The following ADAMTS12 variants were observed in gnomAD, a reference collection of about 807,000 sequenced individuals.
The protein encoded by ADAMTS12 is A disintegrin and metalloproteinase with thrombospondin motifs 12.
ADAMTS12 carries 118 observed loss-of-function variants against 167.8 expected under a neutral mutation model. The ratio of observed to expected loss-of-function variants is 0.70; its 90% CI spans 0.61 to 0.82. The LOEUF (loss-of-function observed/expected upper bound fraction) is 0.82, where lower values mean the gene tolerates loss of function less well. Ranked by LOEUF, ADAMTS12 falls within the 40% of genes least tolerant of loss-of-function variation. The pLI is 0.00. For missense variants in ADAMTS12, 1,916 were observed against 1,998.8 expected (o/e 0.96, Z 0.79); for synonymous variants, 704 against 716.9 (o/e 0.98, Z 0.29).
intron 2 of ADAMTS12, among the ~76,000 whole-genome samples, chr5:33,856,610 C>CA (rs113323469): frequency 0.05 from 6,631 of 133,462 alleles, 370 homozygotes; most frequent in African/African-American, 0.15. Context: ...AAGGATTTCT[C>CA]AAAAAAAAAA....
chr5:33,662,475 T>G (rs1741292376), intron 5 of ADAMTS12, among the ~76,000 whole-genome samples: 3 of 152,246 alleles, frequency 2.0e-5, no homozygotes, highest in Non-Finnish European at 4.4e-5. Flanking sequence ...CCTGCAAGGC[T>G]AGAGTTGCAC....
intron 2 of ADAMTS12, among the ~76,000 whole-genome samples, chr5:33,838,795 GAAGT>G (rs1236851371): frequency 5.9e-5 from 9 of 152,138 alleles, no homozygotes. Context: ...TGAAGGGACT[GAAGT>G]GAGTAGGAAG....
chr5:33,634,035 G>A (rs919695086), intron 12 of ADAMTS12, among the ~76,000 whole-genome samples: 1 of 152,064 alleles, frequency 6.6e-6, no homozygotes, highest in Admixed American at 6.6e-5. Flanking sequence ...TGAACTTACC[G>A]AATCAAAGTT....
In ADAMTS12 at chr5:33,642,041, T is replaced by C. The variant is rs184399976; in HGVS notation, c.1573-86A>G. 1.6e-3 allele frequency: 2,219 copies of C among 1,348,184 alleles called. 21 individuals are homozygous for C. The Admixed American group carries it at 0.027, about 16-fold the overall frequency. 83.5% of individuals were successfully genotyped at this position (1,348,184 alleles called of 1,614,324 possible). ...AAGAGCCCTAAAAGTCTAAACCCAA[T>C]TCTCTGCAAGCAAGCCGGCTTTCTA... On this transcript the variant is annotated intron_variant, in intron 10 of 23. Transcript: ENST00000504830.
At chr5:33,762,190 C>T (rs1264002032) in intron 2 of ADAMTS12, among the ~76,000 whole-genome samples, 1 of 140,360 alleles carries the variant, frequency 7.1e-6, no homozygotes, top group Non-Finnish European at 1.5e-5. Flanking sequence ...ATAAAGATGC[C>T]GTCTCAAAAA....
chr5:33,649,682 A>T lies in ADAMTS12; in HGVS notation c.1206T>A (p.His402Gln). Reference protein sequence around the residue: ...HELGHSFGIQHDGKENDCEPV... With the variant: ...HELGHSFGIQQDGKENDCEPV... ...GCTCACAGTCATTTTCTTTCCCATC[A>T]TGCTGGATGCCGAAGCTGGCAGGGA... The change falls in exon 8 of 24, where the codon CAT (histidine) becomes CAA (glutamine). Residue 402 changes from histidine (H) to glutamine (Q), a missense_variant. Transcript: ENST00000504830. The T allele has an allele frequency of 1.2e-6, 2 of 1,613,866 alleles. No individual in the cohort carries two copies. Among genetic ancestry groups the T allele is most frequent in the Non-Finnish European group, 1.7e-6 (2 of 1,179,836 alleles).
intron 3 of ADAMTS12, among the ~76,000 whole-genome samples, chr5:33,686,556 C>T (rs1032548491): frequency 3.3e-5 from 5 of 152,088 alleles, no homozygotes; most frequent in East Asian, 2.0e-4. Flanking sequence ...CCTGCCCAGA[C>T]GCAGATGATG....
chr5:33,874,666 C>G (rs1750159565), intron 2 of ADAMTS12, among the ~76,000 whole-genome samples: 1 of 152,170 alleles, frequency 6.6e-6, no homozygotes, highest in Non-Finnish European at 1.5e-5. Flanking sequence ...ACTGCCAAAA[C>G]TTAAAAGCAA....
intron 3 of ADAMTS12, among the ~76,000 whole-genome samples, chr5:33,723,099 T>C (rs1743861343): frequency 6.6e-6 from 1 of 152,192 alleles, no homozygotes; most frequent in South Asian, 2.1e-4. Context: ...CTGTCATTCA[T>C]ACCTGGATGA....
intron 16 of ADAMTS12, among the ~76,000 whole-genome samples, chr5:33,605,491 A>G (rs9716334): frequency 0.58 from 87,698 of 151,570 alleles, 25,605 homozygotes; most frequent in East Asian, 0.82. Flanking sequence ...TGGAAAACTT[A>G]GGAAAATATA....
Position 33,829,073 on chromosome 5 carries a change from T to C in ADAMTS12, c.489+52046A>G, listed in dbSNP as rs150731106. Among the ~76,000 whole-genome samples the C allele has an allele frequency of 2.5e-4, 38 of 152,268 alleles. 1 individual carries two copies. Among genetic ancestry groups the C allele is most frequent in the Admixed American group, 2.5e-3 (38 of 15,280 alleles). ...TCTGAATGAGATCCACTCCAGCACA[T>C]GGCCATCTTAAAACCTCTTTCATCA... On this transcript the variant is annotated intron_variant, in intron 2 of 23. Coordinates refer to ENST00000504830, the MANE Select transcript of ADAMTS12 (RefSeq NM_030955.4).
At chr5:33,608,047 T>C (rs1738532955) in intron 16 of ADAMTS12, among the ~76,000 whole-genome samples, 2 of 152,246 alleles carry the variant, frequency 1.3e-5, no homozygotes, top group Non-Finnish European at 2.9e-5. Context: ...TCCAGATGGC[T>C]GAACACATGG....
Position 33,647,369 on chromosome 5 carries a change from G to A in ADAMTS12, c.1479+1453C>T, listed in dbSNP as rs139808129. On this transcript the variant is annotated intron_variant, in intron 9 of 23. Transcript: ENST00000504830. ...GCTGCATTTTAGAAAATGAATCAGA[G>A]TTGAGGGGAAGCGTTCAGATTCTAC... Among the ~76,000 whole-genome samples the A allele has an allele frequency of 6.0e-3, 913 of 152,234 alleles. 7 individuals carry two copies. Among genetic ancestry groups the A allele is most frequent in the African/African-American group, 0.021 (876 of 41,520 alleles).
chr5:33,696,370 G>A (rs1391179527), intron 3 of ADAMTS12, among the ~76,000 whole-genome samples: 2 of 147,540 alleles, frequency 1.4e-5, no homozygotes, highest in Non-Finnish European at 3.0e-5. Flanking sequence ...GCAGTGAGCC[G>A]AGATCGCGCC....
intron 2 of ADAMTS12, among the ~76,000 whole-genome samples, chr5:33,790,454 G>A (rs1746486652): frequency 6.6e-6 from 1 of 151,600 alleles, no homozygotes; most frequent in South Asian, 2.1e-4. Context: ...TCGGAAGGCT[G>A]AGGCAGAAGA....
At chr5:33,824,624 G>A (rs1221849546) in intron 2 of ADAMTS12, among the ~76,000 whole-genome samples, 1 of 152,188 alleles carries the variant, frequency 6.6e-6, no homozygotes, top group Non-Finnish European at 1.5e-5. Context: ...GAGAAGAGGA[G>A]CCTGTCAGCT....
In ADAMTS12 at chr5:33,756,806, G is replaced by C. The variant is rs552105072; in HGVS notation, c.490-5258C>G. Among the ~76,000 whole-genome samples the C allele has an allele frequency of 5.1e-4, 77 of 152,262 alleles. 1 individual carries two copies. The South Asian group carries it at 0.015, about 30-fold the overall frequency. On this transcript the variant is annotated intron_variant, in intron 2 of 23. Transcript: ENST00000504830. ...GTTACCATGACCCAAGCAGGTATCA[G>C]GGATACAGCAACACAACAGAGCTGG...
intron 3 of ADAMTS12, among the ~76,000 whole-genome samples, chr5:33,714,937 T>C (rs7708254): frequency 0.59 from 90,346 of 151,848 alleles, 28,212 homozygotes; most frequent in Non-Finnish European, 0.69. Flanking sequence ...TCAAAACAAC[T>C]AAATGAAAAG....
At position 33,862,291 on chromosome 5, in the gene ADAMTS12, T is replaced by C. The variant is rs374676771; in HGVS notation, c.489+18828A>G. ...ATAGATAGACCACCAGCCAGACTAA[T>C]AAAGAAGAAAATAGGGGAAAATCAA... is the stretch of plus-strand genomic sequence containing the variant. On this transcript the variant is annotated intron_variant, in intron 2 of 23. Coordinates refer to ENST00000504830, the MANE Select transcript of ADAMTS12 (RefSeq NM_030955.4). Among the ~76,000 whole-genome samples, 3 of 151,668 alleles carry C rather than the reference T, an allele frequency of 2.0e-5. No homozygotes were observed. The East Asian group carries it at 5.8e-4, about 29-fold the overall frequency.
Sources: gnomAD v4.1 joint callset for allele counts (sites outside exome capture counted in the v4.1 genomes callset) on GRCh38, gnomAD v4.1.1 for gene constraint, MANE v1.5 for transcripts, NCBI Gene and HGNC (gene_info 2026-07-23, HGNC 2026-07-21) for gene names.